Variants in GRM5 observed in about 807,000 individuals in gnomAD.
GRM5 encodes metabotropic glutamate receptor 5.
GRM5 carries 19 observed loss-of-function variants against 83.1 expected under a neutral mutation model. The ratio of observed to expected loss-of-function variants is 0.23; its 90% confidence interval spans 0.16 to 0.34. The LOEUF is 0.34. GRM5 is among the 10% of genes least tolerant of loss of function. The pLI, the probability that GRM5 is intolerant of heterozygous loss-of-function variation, is 1.00. For synonymous variants in GRM5, 675 were observed against 633.6 expected (o/e 1.07, Z -0.98); for missense variants, 1,160 against 1,588.3 (o/e 0.73, Z 4.58).
chr11:89,053,153 G>A (rs1299976600), intron 1 of GRM5, among the ~76,000 whole-genome samples: 2 of 151,880 alleles, frequency 1.3e-5, no homozygotes, highest in Admixed American at 6.6e-5. Context: ...ATACATTAAC[G>A]AGCATTCCAG....
At chr11:88,635,356 T>C (rs1430205531) in intron 4 of GRM5, among the ~76,000 whole-genome samples, 1 of 152,214 alleles carries the variant, frequency 6.6e-6, no homozygotes, top group Non-Finnish European at 1.5e-5. Context: ...TTTTTGATAG[T>C]AGCCATTCTA....
At position 88,908,942 on chromosome 11, in the gene GRM5, A is replaced by G. The variant is rs144364527; in HGVS notation, c.662-58787T>C. The stretch of plus-strand genomic sequence containing the variant: ...ATTCTAGCATTCTTAGTTGCCTTAT[A>G]TTAGTACTCTGATGGTCAGAAACCC... On this transcript the variant is annotated intron_variant, in intron 2 of 9. Transcript: ENST00000305447. Among the ~76,000 whole-genome samples, 557 of 152,256 alleles carry G rather than the reference A, an allele frequency of 3.7e-3. 2 individuals carry two copies. Among genetic ancestry groups the G allele is most frequent in the African/African-American group, 0.013 (531 of 41,580 alleles).
chr11:89,043,327 A>T (rs912118259), intron 2 of GRM5, among the ~76,000 whole-genome samples: 26 of 151,798 alleles, frequency 1.7e-4, no homozygotes, highest in East Asian at 3.9e-4. Flanking sequence ...ACAATATAAA[A>T]TTTTTTTTTG....
chr11:88,589,304 G>T (rs1376366981), intron 7 of GRM5, among the ~76,000 whole-genome samples: 9 of 152,016 alleles, frequency 5.9e-5, no homozygotes, highest in Non-Finnish European at 1.5e-5. Context: ...TTTGTGTTTA[G>T]AACTGGGGAA....
chr11:88,698,094 G>T (rs1940943304), intron 3 of GRM5, among the ~76,000 whole-genome samples: 1 of 152,134 alleles, frequency 6.6e-6, no homozygotes, highest in Non-Finnish European at 1.5e-5. Context: ...CTCGTCCTCT[G>T]CCAATCCATT....
chr11:88,698,714 A>ATCTT (rs1940958572), intron 3 of GRM5, among the ~76,000 whole-genome samples: 1 of 152,164 alleles, frequency 6.6e-6, no homozygotes, highest in East Asian at 1.9e-4. Flanking sequence ...ATGAATGTGA[A>ATCTT]TCTTTCCAGT....
intron 2 of GRM5, among the ~76,000 whole-genome samples, chr11:88,969,832 A>G (rs1403982654): frequency 6.6e-6 from 1 of 152,156 alleles, no homozygotes; most frequent in African/African-American, 2.4e-5. Flanking sequence ...ATATAGCTTT[A>G]TATTTCCATG....
chr11:88,653,497 T>C, intron 3 of GRM5, 94 bp from the exon 4 acceptor site: 2 of 762,436 alleles, frequency 2.6e-6, no homozygotes, highest in East Asian at 2.5e-5. Context: ...AGTCATTAAA[T>C]GGCTACCTCA....
intron 2 of GRM5, among the ~76,000 whole-genome samples, chr11:88,966,797 T>C (rs1177925908): frequency 6.6e-6 from 1 of 152,062 alleles, no homozygotes; most frequent in African/African-American, 2.4e-5. Flanking sequence ...TGGAAGGAAG[T>C]GTACACAAAT....
chr11:88,714,168 CTT>C (rs1439963776), intron 3 of GRM5, among the ~76,000 whole-genome samples: 1 of 151,966 alleles, frequency 6.6e-6, no homozygotes, highest in Non-Finnish European at 1.5e-5. Context: ...TAGAGAATAA[CTT>C]TTGGAGAAAC....
At chr11:88,897,365 G>A (rs1945244002) in intron 2 of GRM5, among the ~76,000 whole-genome samples, 1 of 151,906 alleles carries the variant, frequency 6.6e-6, no homozygotes, top group African/African-American at 2.4e-5. Context: ...CCCCTCCTGG[G>A]CCCACAGCAG....
At chr11:88,525,726 C>T (rs1591323729) in intron 8 of GRM5, among the ~76,000 whole-genome samples, 1 of 152,252 alleles carries the variant, frequency 6.6e-6, no homozygotes, top group East Asian at 1.9e-4. Context: ...AGATGAATAT[C>T]AATCAACACA....
At chr11:88,981,807 G>C (rs1190165568) in intron 2 of GRM5, among the ~76,000 whole-genome samples, 1 of 152,098 alleles carries the variant, frequency 6.6e-6, no homozygotes, top group Non-Finnish European at 1.5e-5. Flanking sequence ...TGAAGAATTA[G>C]AATAAGTCCT....
At chr11:88,742,343 T>C (rs1190663269) in intron 3 of GRM5, among the ~76,000 whole-genome samples, 2 of 152,076 alleles carry the variant, frequency 1.3e-5, no homozygotes, top group Non-Finnish European at 2.9e-5. Context: ...AAAACAATTT[T>C]CTGAAATAAG....
chr11:88,953,786 G>A (rs1340972745), intron 2 of GRM5, among the ~76,000 whole-genome samples: 1 of 152,124 alleles, frequency 6.6e-6, no homozygotes, highest in Non-Finnish European at 1.5e-5. Flanking sequence ...GAAAAATTGT[G>A]AAAGAATCAC....
chr11:89,030,243 A>G (rs1941229814), intron 2 of GRM5, among the ~76,000 whole-genome samples: 1 of 152,148 alleles, frequency 6.6e-6, no homozygotes, highest in Non-Finnish European at 1.5e-5. Flanking sequence ...TTTTTCAATA[A>G]AAGTGTCTTC....
At chr11:88,725,740 A>T (rs897784283) in intron 3 of GRM5, among the ~76,000 whole-genome samples, 1 of 152,174 alleles carries the variant, frequency 6.6e-6, no homozygotes, top group Non-Finnish European at 1.5e-5. Context: ...ATACCTAGGC[A>T]AACAGGGCCT....
At chr11:88,981,626 C>G (rs972825743) in intron 2 of GRM5, among the ~76,000 whole-genome samples, 1 of 151,342 alleles carries the variant, frequency 6.6e-6, no homozygotes, top group Non-Finnish European at 1.5e-5. Flanking sequence ...ATTTCTCTAC[C>G]CCCCACCTTG....
chr11:88,845,472 C>T (rs1401708798), intron 3 of GRM5, among the ~76,000 whole-genome samples: 2 of 125,774 alleles, frequency 1.6e-5, no homozygotes, highest in South Asian at 2.6e-4. Context: ...CTCGCTCTGT[C>T]GCCCAGGCTG....
Sources: allele counts gnomAD v4.1 joint callset (sites outside exome capture counted in the v4.1 genomes callset), GRCh38; gene constraint gnomAD v4.1.1; transcripts MANE v1.5; gene names NCBI Gene and HGNC (gene_info 2026-07-23, HGNC 2026-07-21).